The following EFL1 variants were observed in gnomAD, a reference collection of about 807,000 sequenced individuals.
The protein encoded by EFL1 is elongation factor like GTPase 1, also known as elongation factor-like GTPase 1.
A neutral mutation model predicts 126.7 loss-of-function variants in EFL1; 76 were observed. That is an observed-to-expected ratio of 0.60 (90% CI 0.50 to 0.73). EFL1 has a LOEUF of 0.73. Ranked by LOEUF, EFL1 falls within the 30% of genes least tolerant of loss-of-function variation. The pLI, the probability that EFL1 is intolerant of heterozygous loss-of-function variation, is 0.00. For synonymous variants in EFL1, 410 were observed against 448.4 expected (o/e 0.91, Z 1.08); for missense variants, 1,128 against 1,343.2 (o/e 0.84, Z 2.50).
At chr15:82,156,865 C>T (rs1026445898) in intron 17 of EFL1, among the ~76,000 whole-genome samples, 1 of 152,126 alleles carries the variant, frequency 6.6e-6, no homozygotes, top group Admixed American at 6.5e-5. Context: ...GAATATCTTT[C>T]ATTTGTCTTC....
chr15:82,136,494 T>G (rs1255426557), intron 19 of EFL1, among the ~76,000 whole-genome samples: 1 of 152,226 alleles, frequency 6.6e-6, no homozygotes, highest in East Asian at 1.9e-4. Flanking sequence ...TGAAGTGGAC[T>G]GAATCTCTCT....
chr15:82,141,586 TGGA>T (rs1371780917), intron 18 of EFL1, among the ~76,000 whole-genome samples: 5 of 149,290 alleles, frequency 3.3e-5, no homozygotes, highest in African/African-American at 7.4e-5. Flanking sequence ...GAGAATCGCT[TGGA>T]GGAGAACTTG....
At chr15:82,226,978 G>A (rs562821535) in intron 11 of EFL1, among the ~76,000 whole-genome samples, 11 of 152,278 alleles carry the variant, frequency 7.2e-5, no homozygotes, top group African/African-American at 9.6e-5. Context: ...GATCAATTGC[G>A]TCAAATGCTA....
chr15:82,220,139 G>A lies in EFL1; in HGVS notation c.1383C>T (p.Pro461=). ...EKLAAAQGQA[P]LEPTQDGSAI... ...CACTCCCATCTTGGGTGGGCTCCAA[G>A]GGTGCCTGTCCCTGTGCTGCTGCAA... The change falls in exon 13 of 20, where the codon CCC becomes CCT. Residue 461 remains proline, a synonymous_variant. Coordinates refer to ENST00000268206, the MANE Select transcript of EFL1 (RefSeq NM_024580.6). The A allele has an allele frequency of 6.2e-7, 1 of 1,613,836 alleles. No homozygotes were observed. Among genetic ancestry groups the A allele is most frequent in the Non-Finnish European group, 8.5e-7 (1 of 1,179,854 alleles).
chr15:82,220,718 C>A (rs2074702513), intron 12 of EFL1, among the ~76,000 whole-genome samples: 1 of 151,360 alleles, frequency 6.6e-6, no homozygotes, highest in South Asian at 2.1e-4. Flanking sequence ...CTAAGAAGTA[C>A]CATCACAGAA....
intron 14 of EFL1, among the ~76,000 whole-genome samples, chr15:82,216,566 A>C (rs2074648891): frequency 6.6e-6 from 1 of 152,196 alleles, no homozygotes; most frequent in Non-Finnish European, 1.5e-5. Flanking sequence ...ATAGGTAATA[A>C]TCTGATTTCT....
At chr15:82,171,702 C>T (rs374824566) in intron 15 of EFL1, among the ~76,000 whole-genome samples, 9 of 152,120 alleles carry the variant, frequency 5.9e-5, no homozygotes, top group East Asian at 3.9e-4. Context: ...GAACAACAGA[C>T]GCTGTGGACT....
At position 82,238,445 on chromosome 15, in the gene EFL1, A is replaced by G. The variant is rs200327900; in HGVS notation, c.593T>C (p.Val198Ala). 2,877 of 1,613,130 alleles carry G rather than the reference A, an allele frequency of 1.8e-3. 77 individuals carry two copies. In the African/African-American group the frequency reaches 0.033, roughly 19 times the overall value. The change falls in exon 7 of 20, where the codon GTG becomes GCG. Residue 198 changes from valine (V) to alanine (A), a missense_variant. By Grantham distance (64) the Val-to-Ala change is moderately conservative. This residue lies in a region of EFL1 where 316 missense variants were observed against 318.5 expected (regional missense o/e 0.99). Coordinates refer to ENST00000268206, the MANE Select transcript of EFL1 (RefSeq NM_024580.6). ...ERAERETESQ[V>A]NPNSEQGEQV... ...CTCTCCTTGTTCAGAATTTGGATTCACTTGGGATTCAGTCTCCCTCTCTGC... is the reference window on the plus strand; with the variant it reads ...CTCTCCTTGTTCAGAATTTGGATTCGCTTGGGATTCAGTCTCCCTCTCTGC...
chr15:82,216,545 G>C (rs914874137), intron 14 of EFL1, among the ~76,000 whole-genome samples: 3 of 152,124 alleles, frequency 2.0e-5, no homozygotes, highest in Non-Finnish European at 4.4e-5. Flanking sequence ...TCCAGAAACA[G>C]ACCTATGTAC....
At chr15:82,165,869 A>C (rs963605443) in intron 15 of EFL1, among the ~76,000 whole-genome samples, 4 of 152,204 alleles carry the variant, frequency 2.6e-5, no homozygotes, top group Admixed American at 6.5e-5. Context: ...CTTCAGACTA[A>C]AGTTTCTAGG....
chr15:82,205,061 G>A (rs552133220), intron 15 of EFL1, among the ~76,000 whole-genome samples: 2 of 152,308 alleles, frequency 1.3e-5, no homozygotes, highest in East Asian at 1.9e-4. Context: ...TGGCAGGGGA[G>A]ACTGTCCCCT....
Position 82,261,843 on chromosome 15 carries a change from G to T in EFL1, c.-19-46C>A, listed in dbSNP as rs550882532. 1.2e-5 allele frequency: 17 copies of T among 1,456,276 alleles called. No homozygotes were observed. The African/African-American group carries it at 2.3e-4, about 19-fold the overall frequency. The allele number at this position is 1,456,276 out of a possible 1,614,324, so 90.2% of individuals were successfully genotyped here. A position where few individuals can be genotyped will look rare whatever the true frequency, so the allele number is the denominator to read the frequency against. On this transcript the variant is annotated intron_variant, in intron 1 of 19. Coordinates refer to ENST00000268206, the MANE Select transcript of EFL1 (RefSeq NM_024580.6). Reference sequence around the variant, plus strand: ...ACAAATGGCCCAGAGGCTAAAGGTCGGGGCAAAAGAAAAAAATAATAATAA... The same window carrying T: ...ACAAATGGCCCAGAGGCTAAAGGTCTGGGCAAAAGAAAAAAATAATAATAA...
intron 15 of EFL1, among the ~76,000 whole-genome samples, chr15:82,167,169 A>G (rs1417293887): frequency 6.6e-6 from 1 of 152,252 alleles, no homozygotes; most frequent in Non-Finnish European, 1.5e-5. Flanking sequence ...GTTGAGGAAC[A>G]TGGAGCTAAA....
At chr15:82,188,037 T>C (rs577778479) in intron 15 of EFL1, among the ~76,000 whole-genome samples, 89 of 152,280 alleles carry the variant, frequency 5.8e-4, no homozygotes, top group Middle Eastern at 3.4e-3. Flanking sequence ...TTAGTTCCAA[T>C]TGAATTTTTC....
chr15:82,224,982 C>T (rs2141308359), intron 12 of EFL1, among the ~76,000 whole-genome samples, 183 bp downstream of exon 12: 1 of 152,324 alleles, frequency 6.6e-6, no homozygotes, highest in Non-Finnish European at 1.5e-5. Context: ...CTTTCTCCTA[C>T]AGAGGTATCA....
intron 18 of EFL1, among the ~76,000 whole-genome samples, chr15:82,150,690 T>C (rs1182385196): frequency 6.6e-6 from 1 of 152,160 alleles, no homozygotes; most frequent in African/African-American, 2.4e-5. Context: ...GGAATAGGAT[T>C]TGATATAATG....
At chr15:82,168,716 G>A (rs2074103236) in intron 15 of EFL1, among the ~76,000 whole-genome samples, 1 of 152,156 alleles carries the variant, frequency 6.6e-6, no homozygotes, top group African/African-American at 2.4e-5. Flanking sequence ...GTTTCACCAT[G>A]TTGGCCAGAC....
chr15:82,198,088 A>T (rs769877441), intron 15 of EFL1, among the ~76,000 whole-genome samples: 2 of 152,194 alleles, frequency 1.3e-5, no homozygotes, highest in African/African-American at 4.8e-5. Context: ...CGTTTTACAC[A>T]TGGGCACTGG....
rs775696923 is a variant in EFL1 at position 82,152,083 on chromosome 15, T to C, written c.2371A>G (p.Met791Val). 8.1e-6 allele frequency: 13 copies of C among 1,614,048 alleles called. No homozygotes were observed. The highest frequency in any genetic ancestry group is 2.7e-5 in the African/African-American group (2 of 74,920). Residue 791 changes from methionine to valine, a missense_variant, in exon 18 of 20, where the codon ATG becomes GTG. By Grantham distance (21) the Met-to-Val change is conservative. Around this residue, in one of 6 missense-constraint regions of EFL1, gnomAD observed 561 missense variants for 641.7 expected, o/e 0.87. Coordinates refer to ENST00000268206, the MANE Select transcript of EFL1 (RefSeq NM_024580.6). ...TTCTCTTGGGTCTTCTGATGAATCATGTGAGTATTTTCACCCTCATTCAAA... is the reference window on the plus strand; with the variant it reads ...TTCTCTTGGGTCTTCTGATGAATCACGTGAGTATTTTCACCCTCATTCAAA... Reference protein sequence around the residue: ...SSLNEGENTHMIHQKTQEKIW... With the variant: ...SSLNEGENTHVIHQKTQEKIW...
Sources: allele counts gnomAD v4.1 joint callset (sites outside exome capture counted in the v4.1 genomes callset), GRCh38; gene constraint gnomAD v4.1.1; regional missense constraint gnomAD v4.1.1; transcripts MANE v1.5; gene names NCBI Gene and HGNC (gene_info 2026-07-23, HGNC 2026-07-21).